RBFOX1: variants seen among roughly 807,000 people sequenced by gnomAD.
RBFOX1 encodes RNA binding fox-1 homolog 1.
A neutral mutation model predicts 57.7 loss-of-function variants in RBFOX1; 8 were observed. That is an observed-to-expected ratio of 0.14 (90% CI 0.08 to 0.25). The LOEUF is 0.25. Among genes scored for constraint, RBFOX1 ranks in the 10% least tolerant of loss-of-function variants. The probability of loss-of-function intolerance (pLI) is 1.00; values close to 1 mark genes in which losing one functional copy is unlikely to be tolerated. For missense variants in RBFOX1, 611 were observed against 548.5 expected, an observed-to-expected ratio of 1.11 and a Z score of -1.14; for synonymous variants, 326 against 222.4, an observed-to-expected ratio of 1.47 and a Z score of -4.15.
chr16:7,164,807 CTT>C (rs2079090503), intron 4 of RBFOX1, among the ~76,000 whole-genome samples: 1 of 152,112 alleles, frequency 6.6e-6, no homozygotes, highest in Non-Finnish European at 1.5e-5. Context: ...CAACCTTTTG[CTT>C]TTAAAAACAT....
At chr16:5,953,734 C>G (rs1338211322) in intron 4 of RBFOX1, among the ~76,000 whole-genome samples, 1 of 140,162 alleles carries the variant, frequency 7.1e-6, no homozygotes, top group Non-Finnish European at 1.6e-5. Context: ...ATAAAAAACA[C>G]ATTTTCTTCA....
intron 1 of RBFOX1, among the ~76,000 whole-genome samples, chr16:6,212,960 G>T (rs954808953): frequency 6.6e-6 from 1 of 152,130 alleles, no homozygotes; most frequent in African/African-American, 2.4e-5. Context: ...GACCTGAACG[G>T]CCTTTTCCCT....
chr16:5,447,873 GT>G (rs1488663337), intron 1 of RBFOX1, among the ~76,000 whole-genome samples: 2 of 152,194 alleles, frequency 1.3e-5, no homozygotes, highest in Admixed American at 1.3e-4. Context: ...CCTGTTTCCT[GT>G]GACACTTTTC....
chr16:6,555,586 G>C (rs938362376), intron 2 of RBFOX1, among the ~76,000 whole-genome samples: 1 of 152,066 alleles, frequency 6.6e-6, no homozygotes, highest in African/African-American at 2.4e-5. Context: ...TGTAGTCCCA[G>C]CTACTCAGGA....
At chr16:6,553,784 T>G (rs2097039126) in intron 2 of RBFOX1, among the ~76,000 whole-genome samples, 1 of 152,162 alleles carries the variant, frequency 6.6e-6, no homozygotes, top group South Asian at 2.1e-4. Flanking sequence ...AGGGACAGTT[T>G]CCTAAAGGGT....
At chr16:7,588,254 A>G (rs2094235875) in intron 7 of RBFOX1, among the ~76,000 whole-genome samples, 3 of 152,198 alleles carry the variant, frequency 2.0e-5, no homozygotes, top group African/African-American at 7.2e-5. Context: ...CCTCCTCTCT[A>G]TCAGTGGCTA....
rs188567097 is a variant in RBFOX1, at chr16:6,676,359, G to A, written c.-16+21709G>A. Among the ~76,000 whole-genome samples, 68 of 152,122 alleles carry A rather than the reference G, an allele frequency of 4.5e-4. No homozygotes were observed. The Middle Eastern group carries it at 0.017, about 38-fold the overall frequency. On this transcript the variant is annotated intron_variant, in intron 3 of 15. Transcript: ENST00000550418. ...ATTTTGGGGAGTCATGAGCTGTTTC[G>A]TTTTTACAATGGCAGCGCCTGCCCC...
intron 1 of RBFOX1, among the ~76,000 whole-genome samples, chr16:6,267,681 A>C (rs1044946308): frequency 6.6e-6 from 1 of 152,198 alleles, no homozygotes; most frequent in Non-Finnish European, 1.5e-5. Flanking sequence ...CTACTCCTAA[A>C]ACCAACAATC....
chr16:5,982,896 T>C (rs1698323416), intron 4 of RBFOX1, among the ~76,000 whole-genome samples: 1 of 152,230 alleles, frequency 6.6e-6, no homozygotes, highest in Non-Finnish European at 1.5e-5. Context: ...AGATGAATGC[T>C]TTAATGAATC....
At chr16:5,361,765 C>T (rs578190030) in intron 1 of RBFOX1, among the ~76,000 whole-genome samples, 10 of 152,192 alleles carry the variant, frequency 6.6e-5, no homozygotes, top group African/African-American at 2.2e-4. Context: ...GCTCAGGCCA[C>T]CCAGCTGTCT....
intron 3 of RBFOX1, among the ~76,000 whole-genome samples, chr16:5,843,044 G>C (rs932326776): frequency 6.6e-6 from 1 of 152,066 alleles, no homozygotes; most frequent in South Asian, 2.1e-4. Context: ...GGCCAGGCTG[G>C]TCTCGAACTC....
intron 7 of RBFOX1, among the ~76,000 whole-genome samples, chr16:7,589,134 C>T (rs554406672): frequency 2.0e-5 from 3 of 152,304 alleles, no homozygotes; most frequent in East Asian, 1.9e-4. Flanking sequence ...TCTGTTCACT[C>T]GAGCCTTCTG....
At chr16:6,575,558 T>G (rs944216647) in intron 2 of RBFOX1, among the ~76,000 whole-genome samples, 1 of 151,948 alleles carries the variant, frequency 6.6e-6, no homozygotes, top group African/African-American at 2.4e-5. Flanking sequence ...TACATACATT[T>G]TAAAAAGATT....
At chr16:5,327,120 A>G (rs2064598673) in intron 1 of RBFOX1, among the ~76,000 whole-genome samples, 1 of 152,208 alleles carries the variant, frequency 6.6e-6, no homozygotes, top group Admixed American at 6.5e-5. Flanking sequence ...TTATTTATGG[A>G]ACAACTGGGA....
rs139389216 is a variant in RBFOX1, at chr16:5,708,262, G to C, written c.318+109301G>C. 3.3e-5 allele frequency among the ~76,000 whole-genome samples: 5 copies of C among 152,122 alleles called. No individual in the cohort carries two copies. The East Asian group carries it at 9.7e-4, about 29-fold the overall frequency. ...CATTATAATTTTGCTTATTCATTTGGTAAATATGTATCAAGCAGATGAAGT... is the reference window on the plus strand; with the variant it reads ...CATTATAATTTTGCTTATTCATTTGCTAAATATGTATCAAGCAGATGAAGT... On this transcript the variant is annotated intron_variant, in intron 3 of 19. Transcript: ENST00000641259.
intron 3 of RBFOX1, among the ~76,000 whole-genome samples, chr16:6,888,294 C>T (rs776993199): frequency 6.6e-6 from 1 of 152,128 alleles, no homozygotes; most frequent in Non-Finnish European, 1.5e-5. Flanking sequence ...CAGCTTAAGT[C>T]CTGCTCTTGA....
intron 3 of RBFOX1, among the ~76,000 whole-genome samples, chr16:6,787,555 A>T (rs1000116493): frequency 6.6e-6 from 1 of 152,152 alleles, no homozygotes; most frequent in East Asian, 1.9e-4. Flanking sequence ...ATTTGTGCCA[A>T]TTCCAGATTT....
chr16:5,365,932 T>C (rs770452348), intron 1 of RBFOX1: 9 of 494,562 alleles, frequency 1.8e-5, no homozygotes, highest in African/African-American at 7.8e-5. Context: ...TCTTTAAGAA[T>C]GGTCAGTTTA....
rs1003411188 is a variant in RBFOX1, at chr16:6,019,967, G to A, written c.-152G>A. 13 of 1,530,884 alleles carry A rather than the reference G, an allele frequency of 8.5e-6. No homozygotes were observed. Among genetic ancestry groups the A allele is most frequent in the East Asian group, 4.9e-5 (2 of 40,680 alleles). 94.8% of individuals were successfully genotyped at this position (1,530,884 alleles called of 1,614,324 possible). On this transcript the variant is annotated 5_prime_UTR_variant, in exon 1 of 16. Transcript: ENST00000550418. The surrounding 1 kb of genome is among the most constrained non-coding windows in gnomAD (Gnocchi z 4.2). ...GGGGTCTGGGGCCGAGAACGTGACC[G>A]CAGCCGGGCTCGCCGGGAGTTCTAG... is the stretch of plus-strand genomic sequence containing the variant.
Sources: allele counts gnomAD v4.1 joint callset (sites outside exome capture counted in the v4.1 genomes callset), GRCh38; gene constraint gnomAD v4.1.1; non-coding constraint Gnocchi (gnomAD v3.1); transcripts MANE v1.5; gene names NCBI Gene and HGNC (gene_info 2026-07-23, HGNC 2026-07-21).